The following RAB30 variants were observed in gnomAD, a reference collection of about 807,000 sequenced individuals.
RAB30 encodes ras-related protein Rab-30.
RAB30 carries 9 observed loss-of-function variants against 25.1 expected under a neutral mutation model. That is an observed-to-expected ratio of 0.36 (90% CI 0.22 to 0.63). The LOEUF is 0.63. Ranked by LOEUF, RAB30 falls within the 20% of genes least tolerant of loss-of-function variation. RAB30 has a pLI of 0.69. For missense variants in RAB30, 140 were observed against 243.5 expected (o/e 0.58, Z 2.83); for synonymous variants, 77 against 86.4 (o/e 0.89, Z 0.60).
At chr11:83,021,658 C>T (rs1767569639) in intron 1 of RAB30, among the ~76,000 whole-genome samples, 1 of 152,260 alleles carries the variant, frequency 6.6e-6, no homozygotes, top group Non-Finnish European at 1.5e-5. Flanking sequence ...GTAGCATGAG[C>T]TGAGCACAGC....
At chr11:83,030,837 T>C (rs928157800) in intron 1 of RAB30, among the ~76,000 whole-genome samples, 6 of 152,030 alleles carry the variant, frequency 3.9e-5, no homozygotes, top group African/African-American at 1.2e-4. Flanking sequence ...AACTAAATTA[T>C]GTCCCCCCAC....
At chr11:83,028,243 T>G (rs1426820988) in intron 1 of RAB30, among the ~76,000 whole-genome samples, 1 of 152,114 alleles carries the variant, frequency 6.6e-6, no homozygotes, top group Non-Finnish European at 1.5e-5. Context: ...TTTTTAAATC[T>G]TCAATAAAAG....
chr11:83,032,107 A>G (rs531191973), intron 1 of RAB30, among the ~76,000 whole-genome samples: 2 of 151,838 alleles, frequency 1.3e-5, no homozygotes, highest in African/African-American at 4.9e-5. Flanking sequence ...TGCCCACACT[A>G]CAACCCTATC....
chr11:82,991,366 GC>G (rs1339265964), intron 3 of RAB30, among the ~76,000 whole-genome samples: 1 of 151,828 alleles, frequency 6.6e-6, no homozygotes, highest in Non-Finnish European at 1.5e-5. Flanking sequence ...GAATAGCTGG[GC>G]ATGGTGGCAC....
rs543375380 is a variant in RAB30, at chr11:82,984,824, C to T, written c.362-2409G>A. The stretch of plus-strand genomic sequence containing the variant: ...AAATGCACAAGTTGTGGCTGGAACA[C>T]TTGTCATACCAGAAAGCAAAAAAAT... On this transcript the variant is annotated intron_variant, in intron 4 of 4. Coordinates refer to ENST00000527633, the MANE Select transcript of RAB30 (RefSeq NM_001286060.2). Among the ~76,000 whole-genome samples the T allele has an allele frequency of 6.2e-4, 94 of 152,286 alleles. 1 individual carries two copies. The highest frequency in any genetic ancestry group is 2.1e-3 in the African/African-American group (89 of 41,558).
In RAB30 at chr11:82,974,399, G is replaced by T. The variant is rs914236918; in HGVS notation, c.*7766C>A. ...GAAGGTTTTCAGCTAATTGGACTCG[G>T]GTCATCAGTGGGTTATATTTCTAAC... On this transcript the variant is annotated 3_prime_UTR_variant, in exon 5 of 5. Transcript: ENST00000527633. The T allele has an allele frequency of 4.0e-5, 6 of 151,862 alleles. No individual in the cohort carries two copies. Among genetic ancestry groups the T allele is most frequent in the African/African-American group, 1.5e-4 (6 of 41,312 alleles). The allele number at this position is 151,862 out of a possible 1,614,324, so 9.4% of individuals were successfully genotyped here. A position where few individuals can be genotyped will look rare whatever the true frequency, so the allele number is the denominator to read the frequency against.
In RAB30 at chr11:82,975,342, C is replaced by T. The variant is rs1373810823; in HGVS notation, c.*6823G>A. The T allele has an allele frequency of 6.6e-6, 1 of 152,056 alleles. No individual in the cohort carries two copies. The highest frequency in any genetic ancestry group is 1.9e-4 in the East Asian group (1 of 5,198). 9.4% of individuals were successfully genotyped at this position (152,056 alleles called of 1,614,324 possible). ...CAAGTTTTACTATTGTTATTTAATC[C>T]AGGCATAAATGTGTAACCTTAAACA... On this transcript the variant is annotated 3_prime_UTR_variant, in exon 5 of 5. Coordinates refer to ENST00000527633, the MANE Select transcript of RAB30 (RefSeq NM_001286060.2).
At chr11:83,061,743 G>A (rs1858588063) in intron 1 of RAB30, among the ~76,000 whole-genome samples, 1 of 140,748 alleles carries the variant, frequency 7.1e-6, no homozygotes, top group African/African-American at 2.7e-5. Context: ...TAAAGATGGG[G>A]TCTTACAACG....
chr11:82,994,458 G>T (rs780759658), intron 2 of RAB30, among the ~76,000 whole-genome samples: 1 of 152,184 alleles, frequency 6.6e-6, no homozygotes, highest in Non-Finnish European at 1.5e-5. Context: ...AATCAGACAC[G>T]AAGATAAGAT....
At chr11:82,994,199 C>T in intron 2 of RAB30, 77 bp from the exon 3 acceptor site, 4 of 1,243,654 alleles carry the variant, frequency 3.2e-6, no homozygotes, top group Middle Eastern at 1.9e-4. Context: ...CCCCCAGCAA[C>T]ACCCATCACC....
intron 1 of RAB30, among the ~76,000 whole-genome samples, chr11:83,008,501 T>G (rs1857234803): frequency 2.0e-5 from 3 of 152,202 alleles, no homozygotes; most frequent in Non-Finnish European, 4.4e-5. Context: ...ATTGCATCCT[T>G]GAATCAACCC....
At chr11:82,994,308 A>G (rs1856915764) in intron 2 of RAB30, among the ~76,000 whole-genome samples, 186 bp from the exon 3 acceptor site, 1 of 152,178 alleles carries the variant, frequency 6.6e-6, no homozygotes, top group Non-Finnish European at 1.5e-5. Flanking sequence ...TGAGGGAAAG[A>G]GAAAGGAGGG....
intron 4 of RAB30, among the ~76,000 whole-genome samples, chr11:82,983,772 A>C (rs1374753616): frequency 1.3e-5 from 2 of 152,042 alleles, no homozygotes; most frequent in Non-Finnish European, 2.9e-5. Flanking sequence ...AAGATACAGT[A>C]ATTTAACAGT....
At chr11:83,016,502 T>C in intron 1 of RAB30, among the ~76,000 whole-genome samples, 1 of 152,224 alleles carries the variant, frequency 6.6e-6, no homozygotes, top group Admixed American at 6.5e-5. Flanking sequence ...TTACTGAAAA[T>C]AATCCAGTGA....
intron 1 of RAB30, among the ~76,000 whole-genome samples, chr11:83,006,197 C>T (rs963620204): frequency 2.0e-5 from 3 of 152,050 alleles, no homozygotes; most frequent in Non-Finnish European, 4.4e-5. Flanking sequence ...TATTACAAAC[C>T]CTCTGACCCA....
chr11:83,064,057 G>T (rs1858639843), intron 1 of RAB30, among the ~76,000 whole-genome samples: 1 of 152,064 alleles, frequency 6.6e-6, no homozygotes, highest in Non-Finnish European at 1.5e-5. Context: ...GAATTAAAGA[G>T]GACTTTCCCT....
At chr11:83,020,448 G>A (rs1432847157) in intron 1 of RAB30, among the ~76,000 whole-genome samples, 2 of 152,220 alleles carry the variant, frequency 1.3e-5, no homozygotes, top group African/African-American at 4.8e-5. Flanking sequence ...CAAGGTGGGG[G>A]CTGAGGGCGG....
At chr11:82,998,299 A>ATT (rs1427733478) in intron 1 of RAB30, among the ~76,000 whole-genome samples, 1 of 152,188 alleles carries the variant, frequency 6.6e-6, no homozygotes, top group African/African-American at 2.4e-5. Flanking sequence ...CTGCGCTAGA[A>ATT]AGACTGTGAC....
chr11:83,044,172 A>T (rs911899532), intron 1 of RAB30, among the ~76,000 whole-genome samples: 2 of 152,208 alleles, frequency 1.3e-5, no homozygotes, highest in African/African-American at 4.8e-5. Flanking sequence ...CTATTTTAAG[A>T]GATTTCTCAA....
Sources: allele counts gnomAD v4.1 joint callset (sites outside exome capture counted in the v4.1 genomes callset), GRCh38; gene constraint gnomAD v4.1.1; transcripts MANE v1.5; gene names NCBI Gene and HGNC (gene_info 2026-07-23, HGNC 2026-07-21).